Variants in CDK14 observed in about 807,000 individuals in gnomAD.
The protein encoded by CDK14 is cyclin-dependent kinase 14.
A neutral mutation model predicts 60.7 loss-of-function variants in CDK14; 34 were observed. The observed-to-expected ratio is 0.56, with a 90% CI of 0.43 to 0.75. CDK14 has a LOEUF of 0.75. CDK14 is among the 30% of genes least tolerant of loss of function. The pLI is 0.00. For synonymous variants in CDK14, 197 were observed against 203.7 expected (o/e 0.97, Z 0.28); for missense variants, 482 against 564.1 (o/e 0.85, Z 1.47).
chr7:90,726,048 G>A (rs1038867228), intron 2 of CDK14, among the ~76,000 whole-genome samples: 6 of 152,094 alleles, frequency 3.9e-5, no homozygotes, highest in Admixed American at 2.6e-4. Flanking sequence ...ATTCCAATTT[G>A]GAGATGAAAT....
intron 8 of CDK14, among the ~76,000 whole-genome samples, chr7:90,947,912 C>T (rs1385364262): frequency 6.6e-6 from 1 of 152,098 alleles, no homozygotes; most frequent in African/African-American, 2.4e-5. Flanking sequence ...AAGTATTTCT[C>T]TGACATAAAT....
intron 2 of CDK14, among the ~76,000 whole-genome samples, chr7:90,724,233 G>A (rs1802552204): frequency 6.6e-6 from 1 of 151,490 alleles, no homozygotes; most frequent in East Asian, 1.9e-4. Context: ...AATGTTGTTT[G>A]TAGTATTTGT....
chr7:90,989,205 C>A lies in CDK14; in HGVS notation c.1041+4964C>A, dbSNP rs1795464442. ...GATTCCAGGGTCTTTAGAACTGGAA[C>A]CATAATCCTGCAGCTTCATGATTGG... On this transcript the variant is annotated intron_variant, in intron 10 of 14. Coordinates refer to ENST00000380050, the MANE Select transcript of CDK14 (RefSeq NM_001287135.2). Among the ~76,000 whole-genome samples the A allele has an allele frequency of 2.6e-5, 4 of 152,258 alleles. No individual in the cohort carries two copies. The South Asian group carries it at 8.3e-4, about 32-fold the overall frequency.
At chr7:90,672,421 G>A (rs1023636822) in intron 2 of CDK14, among the ~76,000 whole-genome samples, 1 of 144,458 alleles carries the variant, frequency 6.9e-6, no homozygotes, top group African/African-American at 2.6e-5. Context: ...TACAATATGT[G>A]ATTTTCATCT....
chr7:91,202,222 C>T (rs73215194), intron 14 of CDK14, among the ~76,000 whole-genome samples: 8,945 of 152,088 alleles, frequency 0.059, 305 homozygotes, highest in East Asian at 0.14. Flanking sequence ...TGGGTACGGG[C>T]GATCCAATTA....
intron 2 of CDK14, among the ~76,000 whole-genome samples, chr7:90,715,541 C>T (rs1802218020): frequency 6.6e-6 from 1 of 151,892 alleles, no homozygotes; most frequent in Non-Finnish European, 1.5e-5. Flanking sequence ...TGGAAATACA[C>T]TCTGTTTTCC....
At chr7:90,712,068 G>GTT (rs544472058) in intron 2 of CDK14, among the ~76,000 whole-genome samples, 14 of 145,888 alleles carry the variant, frequency 9.6e-5, no homozygotes, top group South Asian at 2.2e-4. Context: ...TATGTGGCAA[G>GTT]TTTTTTTTTT....
chr7:91,141,254 A>G (rs1358074283), intron 14 of CDK14, among the ~76,000 whole-genome samples: 1 of 152,168 alleles, frequency 6.6e-6, no homozygotes, highest in African/African-American at 2.4e-5. Flanking sequence ...TGACGTAGTC[A>G]TGTAGTTAGA....
chr7:90,708,504 A>G (rs760259153), intron 2 of CDK14, among the ~76,000 whole-genome samples: 2 of 152,224 alleles, frequency 1.3e-5, no homozygotes, highest in East Asian at 3.8e-4. Flanking sequence ...TATTTGAACA[A>G]TAACTTTTTA....
At chr7:91,114,016 T>A (rs1023056678) in intron 13 of CDK14, among the ~76,000 whole-genome samples, 3 of 152,330 alleles carry the variant, frequency 2.0e-5, no homozygotes, top group Middle Eastern at 3.4e-3. Context: ...CAATTTTTTT[T>A]AAATTAAAAA....
At chr7:90,842,546 C>T (rs1346250123) in intron 5 of CDK14, among the ~76,000 whole-genome samples, 5 of 152,086 alleles carry the variant, frequency 3.3e-5, no homozygotes, top group South Asian at 2.1e-4. Context: ...AACAAAAAGA[C>T]GTCTTTCTCT....
In CDK14 at chr7:90,697,284, T is replaced by C. The variant is rs573041168; in HGVS notation, c.124-29283T>C. 7.2e-5 allele frequency among the ~76,000 whole-genome samples: 11 copies of C among 152,202 alleles called. 1 individual carries two copies. Among genetic ancestry groups the C allele is most frequent in the African/African-American group, 2.7e-4 (11 of 41,462 alleles). ...TGACTTACCTGAGGAAATTCTTAGC[T>C]TTAATATCTACAGTCGCTATAACAT... On this transcript the variant is annotated intron_variant, in intron 2 of 14. Coordinates refer to ENST00000380050, the MANE Select transcript of CDK14 (RefSeq NM_001287135.2).
intron 5 of CDK14, among the ~76,000 whole-genome samples, chr7:90,792,178 G>A (rs924225051): frequency 6.7e-6 from 1 of 150,206 alleles, no homozygotes; most frequent in South Asian, 2.1e-4. Context: ...GGGATTACAG[G>A]CGTGAGCCAC....
In CDK14 at chr7:91,008,016, A is replaced by G. The variant is rs549085804; in HGVS notation, c.1041+23775A>G. Among the ~76,000 whole-genome samples the G allele has an allele frequency of 4.6e-5, 7 of 152,014 alleles. No individual in the cohort carries two copies. The South Asian group carries it at 1.0e-3, about 23-fold the overall frequency. ...TGAGGGATGGTGCTGACCTCCCCAG[A>G]AAAGACTTCTGCTTCTTTAGATATT... On this transcript the variant is annotated intron_variant, in intron 10 of 14. Transcript: ENST00000380050.
At chr7:90,823,080 A>G (rs1335781880) in intron 5 of CDK14, among the ~76,000 whole-genome samples, 3 of 152,196 alleles carry the variant, frequency 2.0e-5, no homozygotes, top group African/African-American at 7.2e-5. Context: ...ATAGAAATAG[A>G]GGAATCATAA....
intron 10 of CDK14, among the ~76,000 whole-genome samples, chr7:91,013,484 G>GGAAAC (rs1191945021): frequency 6.6e-6 from 1 of 152,044 alleles, no homozygotes; most frequent in East Asian, 1.9e-4. Flanking sequence ...AATCATCAAA[G>GGAAAC]GAAACTACCA....
chr7:90,872,128 T>G (rs556230145), intron 6 of CDK14, among the ~76,000 whole-genome samples: 1 of 152,208 alleles, frequency 6.6e-6, no homozygotes, highest in Non-Finnish European at 1.5e-5. Flanking sequence ...TGTGAAGAAC[T>G]GTGATCTTAG....
intron 2 of CDK14, among the ~76,000 whole-genome samples, chr7:90,615,471 C>T (rs1232301412): frequency 2.0e-5 from 3 of 152,074 alleles, no homozygotes; most frequent in African/African-American, 4.8e-5. Context: ...TAGCAGATCT[C>T]GAACACGTTA....
intron 14 of CDK14, among the ~76,000 whole-genome samples, chr7:91,174,179 A>AC (rs1298516193): frequency 2.4e-4 from 37 of 151,586 alleles, no homozygotes; most frequent in African/African-American, 8.7e-4. Context: ...ACTGGGAGGC[A>AC]CCCCCCAGCA....
Sources: allele counts gnomAD v4.1 joint callset (sites outside exome capture counted in the v4.1 genomes callset), GRCh38; gene constraint gnomAD v4.1.1; transcripts MANE v1.5; gene names NCBI Gene and HGNC (gene_info 2026-07-23, HGNC 2026-07-21).